The following HNRNPC variants were observed in gnomAD, a reference collection of about 807,000 sequenced individuals.
HNRNPC encodes the protein heterogeneous nuclear ribonucleoproteins C1/C2.
HNRNPC carries 3 observed loss-of-function variants against 33.2 expected under a neutral mutation model. The observed-to-expected ratio is 0.09, with a 90% confidence interval of 0.04 to 0.23. The LOEUF is 0.23. Among genes scored for constraint, HNRNPC ranks in the 10% least tolerant of loss-of-function variants. The pLI is 1.00. For synonymous variants in HNRNPC, 121 were observed against 126.7 expected (o/e 0.96, Z 0.30); for missense variants, 143 against 366.7 (o/e 0.39, Z 4.98).
At chr14:21,227,814 T>G (rs1211645976) in intron 5 of HNRNPC, among the ~76,000 whole-genome samples, 1 of 152,204 alleles carries the variant, frequency 6.6e-6, no homozygotes, top group African/African-American at 2.4e-5. Context: ...CTGCTAAAAC[T>G]TGATACACTC....
intron 1 of HNRNPC, chr14:21,264,361 G>A (rs542034379): frequency 1.3e-5 from 2 of 152,126 alleles, no homozygotes; most frequent in South Asian, 4.1e-4. Context: ...CTACTGTTAG[G>A]GGAAAAGATG....
intron 5 of HNRNPC, among the ~76,000 whole-genome samples, chr14:21,219,138 G>A (rs1892554796): frequency 6.7e-6 from 1 of 148,416 alleles, no homozygotes; most frequent in African/African-American, 2.5e-5. Flanking sequence ...GAAAAAGAAA[G>A]GGGAAAAAAA....
chr14:21,245,854 T>G (rs1895922922), intron 2 of HNRNPC, among the ~76,000 whole-genome samples: 1 of 151,960 alleles, frequency 6.6e-6, no homozygotes, highest in Non-Finnish European at 1.5e-5. Flanking sequence ...TCTTTTACTT[T>G]TTAGTTTTTT....
chr14:21,229,782 A>G (rs7147655), intron 5 of HNRNPC, among the ~76,000 whole-genome samples: 1 of 152,022 alleles, frequency 6.6e-6, no homozygotes, highest in Non-Finnish European at 1.5e-5. Flanking sequence ...TACTGGCATT[A>G]TAAGACAAAT....
chr14:21,231,794 G>A (rs890006835), intron 3 of HNRNPC, among the ~76,000 whole-genome samples: 4 of 152,134 alleles, frequency 2.6e-5, no homozygotes, highest in South Asian at 4.1e-4. Context: ...TGTTCACTCA[G>A]TTACTATTAC....
At chr14:21,249,598 A>AAAAAC (rs1555358503) in intron 2 of HNRNPC, among the ~76,000 whole-genome samples, 7 of 131,378 alleles carry the variant, frequency 5.3e-5, no homozygotes, top group African/African-American at 7.9e-5. Flanking sequence ...AAAAACAAAA[A>AAAAAC]AAAAAAAAAA....
At chr14:21,235,382 A>C (rs1358984440) in intron 2 of HNRNPC, among the ~76,000 whole-genome samples, 1 of 152,186 alleles carries the variant, frequency 6.6e-6, no homozygotes, top group Non-Finnish European at 1.5e-5. Context: ...AGTCTAATGT[A>C]TACATATATG....
At chr14:21,262,199 G>A (rs1303379917) in intron 2 of HNRNPC, among the ~76,000 whole-genome samples, 1 of 152,070 alleles carries the variant, frequency 6.6e-6, no homozygotes, top group South Asian at 2.1e-4. Context: ...AAATATTAAT[G>A]AGATAAAAAG....
chr14:21,254,926 A>C (rs1006238189), intron 2 of HNRNPC, among the ~76,000 whole-genome samples: 7 of 150,636 alleles, frequency 4.6e-5, no homozygotes, highest in Non-Finnish European at 8.8e-5. Flanking sequence ...TAGTCTCAAA[A>C]AAAAAACAAA....
Position 21,209,884 on chromosome 14 carries a change from TCTTACAA to T in HNRNPC, c.*1332_*1338del, listed in dbSNP as rs746263811. 1.3e-5 allele frequency: 2 copies of T among 152,230 alleles called. No individual in the cohort carries two copies. Among genetic ancestry groups the T allele is most frequent in the Non-Finnish European group, 2.9e-5 (2 of 68,042 alleles). The allele number at this position is 152,230 out of a possible 1,614,324, so 9.4% of individuals were successfully genotyped here. On this transcript the variant is annotated 3_prime_UTR_variant, in exon 9 of 9. Coordinates refer to ENST00000553300, the MANE Select transcript of HNRNPC (RefSeq NM_004500.4). ...CACTGGTAGCTGTTTAATATATTCA[TCTTACAA>T]CTGGATGCTAAAAATGCAATCACTG...
chr14:21,245,479 A>G (rs961391950), intron 2 of HNRNPC, among the ~76,000 whole-genome samples: 5 of 151,486 alleles, frequency 3.3e-5, no homozygotes, highest in African/African-American at 1.2e-4. Context: ...CCTGGCAACA[A>G]AGCGAGACTG....
At chr14:21,237,749 G>A (rs954940164) in intron 2 of HNRNPC, among the ~76,000 whole-genome samples, 2 of 152,082 alleles carry the variant, frequency 1.3e-5, no homozygotes, top group Admixed American at 1.3e-4. Flanking sequence ...GTTTAGATAA[G>A]TAAAACAAAC....
Position 21,211,246 on chromosome 14 carries a change from C to T in HNRNPC, c.859G>A (p.Ala287Thr), listed in dbSNP as rs746722658. Residue 287 changes from alanine to threonine, a missense_variant, in exon 9 of 9, where the codon GCC becomes ACC. This residue lies in a region of HNRNPC where 131 missense variants were observed against 253.0 expected (regional missense o/e 0.52). Coordinates refer to ENST00000553300, the MANE Select transcript of HNRNPC (RefSeq NM_004500.4). ...GCTTAAGAGTCATCCTCGCCATTGG[C>T]GCTGTCTCTGTCATCCTCTCCTTCC... ...AEEGEDDRDSANGEDDS is the reference protein window; with the variant it reads ...AEEGEDDRDSTNGEDDS The T allele has an allele frequency of 6.2e-6, 10 of 1,614,078 alleles. No homozygotes were observed. In the Admixed American group the frequency reaches 6.7e-5, roughly 11 times the overall value.
intron 2 of HNRNPC, among the ~76,000 whole-genome samples, chr14:21,234,466 A>C (rs917188626): frequency 6.6e-6 from 1 of 152,026 alleles, no homozygotes; most frequent in Admixed American, 6.6e-5. Context: ...CTAAACTCTA[A>C]ATTCTCAGGA....
chr14:21,214,393 A>G (rs1170752740), intron 5 of HNRNPC, among the ~76,000 whole-genome samples: 1 of 152,200 alleles, frequency 6.6e-6, no homozygotes, highest in Non-Finnish European at 1.5e-5. Flanking sequence ...TGTTAACTTA[A>G]AAGTGTTTCC....
intron 2 of HNRNPC, among the ~76,000 whole-genome samples, chr14:21,247,847 C>A (rs1039305571): frequency 6.6e-6 from 1 of 151,160 alleles, no homozygotes; most frequent in Non-Finnish European, 1.5e-5. Context: ...ATTAGCCAAG[C>A]ATGGTGGCAA....
chr14:21,214,728 C>A (rs981803238), intron 5 of HNRNPC, among the ~76,000 whole-genome samples: 3 of 152,164 alleles, frequency 2.0e-5, no homozygotes, highest in African/African-American at 7.2e-5. Context: ...AGCTTTTGGT[C>A]TTTTTGACCA....
chr14:21,212,345 G>A (rs1891706495), intron 6 of HNRNPC, among the ~76,000 whole-genome samples: 1 of 151,916 alleles, frequency 6.6e-6, no homozygotes, highest in Non-Finnish European at 1.5e-5. Flanking sequence ...AGTTACAGGA[G>A]GAGTTCAATA....
At position 21,230,999 on chromosome 14, in the gene HNRNPC, G is replaced by A; in HGVS notation, c.315C>T (p.Tyr105=). Residue 105 remains tyrosine, a splice_region_variant and synonymous_variant, in exon 4 of 9, where the codon TAC becomes TAT. Transcript: ENST00000553300. ...AGVKRSAAEM[Y]GSSFDLDYDF... is the part of the protein sequence containing the mutation. ...GAGAAGGGTGTTCTGTTACTGACCCGTACATCTCCGCTGCAGATCGTTTCA... is the reference window on the plus strand; with the variant it reads ...GAGAAGGGTGTTCTGTTACTGACCCATACATCTCCGCTGCAGATCGTTTCA... 6.2e-7 allele frequency: 1 copy of A among 1,614,102 alleles called. No homozygotes were observed. Among genetic ancestry groups the A allele is most frequent in the Non-Finnish European group, 8.5e-7 (1 of 1,180,024 alleles).
Sources: allele counts gnomAD v4.1 joint callset (sites outside exome capture counted in the v4.1 genomes callset), GRCh38; gene constraint gnomAD v4.1.1; regional missense constraint gnomAD v4.1.1; transcripts MANE v1.5; gene names NCBI Gene and HGNC (gene_info 2026-07-23, HGNC 2026-07-21).